The following CADM2 variants were observed in gnomAD, a reference collection of about 807,000 sequenced individuals.
CADM2 encodes cell adhesion molecule 2.
In CADM2, 12 loss-of-function variants were observed where a neutral mutation model predicts 49.8. The observed-to-expected ratio is 0.24, with a 90% confidence interval of 0.15 to 0.39. The LOEUF (loss-of-function observed/expected upper bound fraction) is 0.39, where lower values mean the gene tolerates loss of function less well. CADM2 is among the 10% of genes least tolerant of loss of function. The pLI is 1.00. For synonymous variants in CADM2, 214 were observed against 175.4 expected, an observed-to-expected ratio of 1.22 and a Z score of -1.74; for missense variants, 378 against 492.3, an observed-to-expected ratio of 0.77 and a Z score of 2.20.
intron 1 of CADM2, among the ~76,000 whole-genome samples, chr3:85,092,836 CT>C (rs1242006894): frequency 6.6e-6 from 1 of 152,072 alleles, no homozygotes; most frequent in Admixed American, 6.5e-5. Context: ...TTCCTTCTGC[CT>C]TTGAAAGTAA....
At chr3:85,251,649 G>T (rs2042776991) in intron 1 of CADM2, among the ~76,000 whole-genome samples, 1 of 151,736 alleles carries the variant, frequency 6.6e-6, no homozygotes, top group Admixed American at 6.6e-5. Flanking sequence ...TTTGCTCATT[G>T]CTTATTGTAG....
chr3:85,821,644 G>A (rs1449296431), intron 3 of CADM2, among the ~76,000 whole-genome samples: 1 of 152,116 alleles, frequency 6.6e-6, no homozygotes, highest in African/African-American at 2.4e-5. Flanking sequence ...TATGCAACAA[G>A]CATTTTTCTG....
chr3:85,693,029 AC>A (rs2066434010), intron 1 of CADM2, among the ~76,000 whole-genome samples: 1 of 151,966 alleles, frequency 6.6e-6, no homozygotes, highest in Non-Finnish European at 1.5e-5. Flanking sequence ...AGAGATGGAA[AC>A]CATCCTAGCC....
intron 8 of CADM2, chr3:86,012,511 C>G: frequency 8.0e-7 from 1 of 1,251,210 alleles, no homozygotes; most frequent in South Asian, 1.5e-5. Flanking sequence ...GGCGGACTGC[C>G]CTGAGGAGGC....
At chr3:85,632,079 T>G (rs1051058436) in intron 1 of CADM2, among the ~76,000 whole-genome samples, 15 of 152,240 alleles carry the variant, frequency 9.9e-5, no homozygotes, top group African/African-American at 3.6e-4. Flanking sequence ...ATCTTGTAGC[T>G]CCCATGATTC....
At chr3:85,855,778 C>T (rs1295184039) in intron 3 of CADM2, among the ~76,000 whole-genome samples, 8 of 151,678 alleles carry the variant, frequency 5.3e-5, no homozygotes, top group Admixed American at 3.3e-4. Context: ...AGGTGCCTGC[C>T]ACCATGCCTG....
rs367732315 is a variant in CADM2 at position 85,370,026 on chromosome 3, GA to G, written c.62-356494del. On this transcript the variant is annotated intron_variant, in intron 1 of 9. Transcript: ENST00000383699. ...AAGAGAAGATATGTTTATCCAAAAG[GA>G]ATGTCAAAAACCCCGTGTCTACTAA... Among the ~76,000 whole-genome samples, 115 of 151,534 alleles carry G rather than the reference GA, an allele frequency of 7.6e-4. No homozygotes were observed. In the East Asian group the frequency reaches 9.0e-3, roughly 12 times the overall value.
intron 2 of CADM2, among the ~76,000 whole-genome samples, chr3:85,796,609 TA>T (rs1559663173): frequency 1.3e-5 from 2 of 152,148 alleles, no homozygotes; most frequent in Non-Finnish European, 2.9e-5. Context: ...CTTAATTTTG[TA>T]AGGTGATCAC....
chr3:85,624,251 C>A (rs2107499789), intron 1 of CADM2, among the ~76,000 whole-genome samples: 2 of 152,232 alleles, frequency 1.3e-5, no homozygotes, highest in Middle Eastern at 6.8e-3. Context: ...TTAGTGTTAA[C>A]ATAATATCTA....
At chr3:85,839,540 G>A (rs1297926635) in intron 3 of CADM2, among the ~76,000 whole-genome samples, 2 of 151,722 alleles carry the variant, frequency 1.3e-5, no homozygotes, top group Admixed American at 6.6e-5. Context: ...TGCTGCCTAC[G>A]ATAGAGAGCT....
chr3:85,052,925 A>G (rs1168669395), intron 1 of CADM2, among the ~76,000 whole-genome samples: 1 of 152,064 alleles, frequency 6.6e-6, no homozygotes, highest in East Asian at 1.9e-4. Context: ...TTCACTGAAT[A>G]GCTACAGTAA....
chr3:85,643,357 GTTAA>G (rs1383813741), intron 1 of CADM2, among the ~76,000 whole-genome samples: 1 of 152,114 alleles, frequency 6.6e-6, no homozygotes, highest in Non-Finnish European at 1.5e-5. Context: ...ACAAGTAGAC[GTTAA>G]TTATTTGTTA....
intron 1 of CADM2, among the ~76,000 whole-genome samples, chr3:85,221,841 C>T (rs1268544632): frequency 6.6e-6 from 1 of 152,006 alleles, no homozygotes; most frequent in Non-Finnish European, 1.5e-5. Flanking sequence ...TCTTGGGTAA[C>T]ATGGTGAGTT....
intron 7 of CADM2, 65 bp downstream of exon 7, chr3:85,935,922 C>A: frequency 1.1e-6 from 1 of 883,348 alleles, no homozygotes; most frequent in South Asian, 1.7e-5. Flanking sequence ...TGATTACAGC[C>A]TTTAACTGTA....
At chr3:85,734,047 A>C (rs9823053) in intron 2 of CADM2, among the ~76,000 whole-genome samples, 267 of 152,288 alleles carry the variant, frequency 1.8e-3, no homozygotes, top group African/African-American at 5.9e-3. Context: ...CTACAACACC[A>C]AAATTTAAGT....
chr3:85,757,177 A>G (rs1203265596), intron 2 of CADM2, among the ~76,000 whole-genome samples: 2 of 152,154 alleles, frequency 1.3e-5, no homozygotes, highest in African/African-American at 2.4e-5. Context: ...TAGATACCAC[A>G]ATGACAACTT....
rs149883817 is a variant in CADM2, at chr3:85,356,501, A to G, written c.62-370021A>G. Among the ~76,000 whole-genome samples, 13 of 152,182 alleles carry G rather than the reference A, an allele frequency of 8.5e-5. No individual in the cohort carries two copies. In the East Asian group the frequency reaches 2.5e-3, roughly 29 times the overall value. The stretch of plus-strand genomic sequence containing the variant: ...TGTGAAGGACTCTGGTATTTTGACA[A>G]GTGGAAGCCAGATTTTAAGTAGAAA... On this transcript the variant is annotated intron_variant, in intron 1 of 9. Transcript: ENST00000383699.
At chr3:85,887,924 G>T (rs895382017) in intron 5 of CADM2, among the ~76,000 whole-genome samples, 8 of 152,116 alleles carry the variant, frequency 5.3e-5, no homozygotes, top group African/African-American at 1.9e-4. Flanking sequence ...CTAAACTTTA[G>T]AATAAGTTTA....
intron 7 of CADM2, among the ~76,000 whole-genome samples, chr3:85,945,189 A>T (rs896648744): frequency 2.0e-5 from 3 of 152,182 alleles, no homozygotes; most frequent in African/African-American, 7.2e-5. Flanking sequence ...AGAAATGGAT[A>T]AATTCCTCGA....
Sources: allele counts gnomAD v4.1 joint callset (sites outside exome capture counted in the v4.1 genomes callset), GRCh38; gene constraint gnomAD v4.1.1; transcripts MANE v1.5; gene names NCBI Gene and HGNC (gene_info 2026-07-23, HGNC 2026-07-21).